The following DOCK3 variants were observed in gnomAD, a reference collection of about 807,000 sequenced individuals.
The protein encoded by DOCK3 is dedicator of cytokinesis protein 3.
A neutral mutation model predicts 265.6 loss-of-function variants in DOCK3; 60 were observed. That is an observed-to-expected ratio of 0.23 (90% CI 0.18 to 0.28). The LOEUF is 0.28. DOCK3 is among the 10% of genes least tolerant of loss of function. The pLI is 1.00. For missense variants in DOCK3, 1,981 were observed against 2,594.3 expected (o/e 0.76, Z 5.14); for synonymous variants, 881 against 938.0 (o/e 0.94, Z 1.11).
chr3:51,036,550 A>G lies in DOCK3; in HGVS notation c.316-27898A>G, dbSNP rs955131116. Among the ~76,000 whole-genome samples the G allele has an allele frequency of 2.0e-5, 3 of 152,060 alleles. No individual in the cohort carries two copies. The East Asian group carries it at 5.8e-4, about 29-fold the overall frequency. On this transcript the variant is annotated intron_variant, in intron 5 of 52. Coordinates refer to ENST00000266037, the MANE Select transcript of DOCK3 (RefSeq NM_004947.5). ...GTCATATATCTAAAATAGTACCTTAAAGGTTTAATATGTCTTAAAGAACAG... is the reference window on the plus strand; with the variant it reads ...GTCATATATCTAAAATAGTACCTTAGAGGTTTAATATGTCTTAAAGAACAG...
chr3:51,098,334 T>A (rs4465974), intron 9 of DOCK3, among the ~76,000 whole-genome samples: 4 of 152,188 alleles, frequency 2.6e-5, no homozygotes, highest in Non-Finnish European at 5.9e-5. Context: ...GGATTACAGG[T>A]GTGAGCCACT....
chr3:51,347,621 G>C (rs2085680028), intron 38 of DOCK3, among the ~76,000 whole-genome samples: 1 of 152,158 alleles, frequency 6.6e-6, no homozygotes, highest in Non-Finnish European at 1.5e-5. Flanking sequence ...TGGCAATGCA[G>C]GCTCTTTTTC....
chr3:51,334,670 C>T (rs940208327), intron 35 of DOCK3, among the ~76,000 whole-genome samples: 1 of 152,158 alleles, frequency 6.6e-6, no homozygotes, highest in Non-Finnish European at 1.5e-5. Flanking sequence ...ACACCAGGTC[C>T]GTAGCTTCTC....
intron 9 of DOCK3, among the ~76,000 whole-genome samples, chr3:51,098,938 C>T (rs1453816330): frequency 6.6e-6 from 1 of 152,166 alleles, no homozygotes; most frequent in Non-Finnish European, 1.5e-5. Context: ...ATAGTATTCT[C>T]TCTTTTTCTT....
At chr3:51,248,812 C>T (rs1451144300) in intron 22 of DOCK3, among the ~76,000 whole-genome samples, 26 of 148,622 alleles carry the variant, frequency 1.7e-4, no homozygotes, top group Middle Eastern at 3.5e-3. Context: ...GGCCGCCCAT[C>T]GTCTGGGATG....
chr3:51,129,038 C>A (rs2084392428), intron 9 of DOCK3, among the ~76,000 whole-genome samples: 1 of 152,218 alleles, frequency 6.6e-6, no homozygotes, highest in Non-Finnish European at 1.5e-5. Context: ...AGAGGTCCAT[C>A]CACATACCTC....
intron 1 of DOCK3, among the ~76,000 whole-genome samples, chr3:50,732,038 T>TAA (rs781063967): frequency 7.0e-6 from 1 of 143,282 alleles, no homozygotes; most frequent in Non-Finnish European, 1.5e-5. Flanking sequence ...TTAATGTATT[T>TAA]AAAAAAAAAA....
At chr3:51,080,269 A>G (rs548293654) in intron 7 of DOCK3, among the ~76,000 whole-genome samples, 2 of 152,362 alleles carry the variant, frequency 1.3e-5, no homozygotes, top group East Asian at 3.9e-4. Context: ...CAGGGCTGAA[A>G]ATGATTTCTC....
chr3:51,198,477 A>G (rs758754321), intron 12 of DOCK3, among the ~76,000 whole-genome samples: 2 of 151,974 alleles, frequency 1.3e-5, no homozygotes, highest in Non-Finnish European at 2.9e-5. Flanking sequence ...AGAGTGACAG[A>G]GACTGCAACA....
rs190752872 is a variant in DOCK3, at chr3:50,966,847, A to T, written c.315+32770A>T. On this transcript the variant is annotated intron_variant, in intron 5 of 52. Coordinates refer to ENST00000266037, the MANE Select transcript of DOCK3 (RefSeq NM_004947.5). ...GGTACAAGCCCAGGTTGGAAACAAC[A>T]CAACAAAAGTCTTGTGATGATTAGA... Among the ~76,000 whole-genome samples the T allele has an allele frequency of 2.0e-5, 3 of 152,306 alleles. No homozygotes were observed. In the East Asian group the frequency reaches 5.8e-4, roughly 29 times the overall value.
At chr3:51,186,906 G>T (rs929565091) in intron 12 of DOCK3, among the ~76,000 whole-genome samples, 1 of 152,244 alleles carries the variant, frequency 6.6e-6, no homozygotes, top group Non-Finnish European at 1.5e-5. Context: ...GCAGAAGTTT[G>T]CTTCAGGGGC....
chr3:50,916,285 G>C (rs934709935), intron 4 of DOCK3, among the ~76,000 whole-genome samples: 3 of 151,924 alleles, frequency 2.0e-5, no homozygotes, highest in Admixed American at 2.0e-4. Context: ...GGGATAAGTC[G>C]CTCTGTCGCC....
chr3:50,722,920 TG>T (rs2037566824), intron 1 of DOCK3, among the ~76,000 whole-genome samples: 1 of 152,014 alleles, frequency 6.6e-6, no homozygotes, highest in South Asian at 2.1e-4. Context: ...TACAGGCACA[TG>T]CCACCACACC....
chr3:51,304,036 C>T (rs767902484), intron 27 of DOCK3, among the ~76,000 whole-genome samples: 47 of 152,306 alleles, frequency 3.1e-4, no homozygotes, highest in South Asian at 1.4e-3. Context: ...TGCTGATCTG[C>T]GGACACCATA....
At chr3:50,782,409 G>A (rs1178665814) in intron 2 of DOCK3, among the ~76,000 whole-genome samples, 4 of 147,204 alleles carry the variant, frequency 2.7e-5, no homozygotes, top group Non-Finnish European at 4.4e-5. Flanking sequence ...TCCTGCCTCA[G>A]CCTCCCGAGT....
At chr3:51,245,100 G>A (rs749187069) in intron 21 of DOCK3, among the ~76,000 whole-genome samples, 5 of 152,100 alleles carry the variant, frequency 3.3e-5, no homozygotes, top group South Asian at 2.1e-4. Context: ...AGGCTGAGGC[G>A]GGTGGATCAC....
chr3:51,266,743 A>G (rs1011466166), intron 23 of DOCK3, among the ~76,000 whole-genome samples: 2 of 152,256 alleles, frequency 1.3e-5, no homozygotes, highest in African/African-American at 2.4e-5. Context: ...AATCTAGGCA[A>G]TACCATTCAG....
chr3:51,056,488 T>C (rs1156704221), intron 5 of DOCK3, among the ~76,000 whole-genome samples: 2 of 152,174 alleles, frequency 1.3e-5, no homozygotes, highest in Non-Finnish European at 2.9e-5. Context: ...GACCTCGTGA[T>C]CCACCCACCT....
chr3:51,131,567 A>G (rs757310588), intron 9 of DOCK3, among the ~76,000 whole-genome samples: 17 of 152,268 alleles, frequency 1.1e-4, no homozygotes, highest in Non-Finnish European at 1.6e-4. Context: ...TTTATAATTC[A>G]AACAAGTCTT....
Sources: allele counts gnomAD v4.1 joint callset (sites outside exome capture counted in the v4.1 genomes callset), GRCh38; gene constraint gnomAD v4.1.1; transcripts MANE v1.5; gene names NCBI Gene and HGNC (gene_info 2026-07-23, HGNC 2026-07-21).